WDR91: variants seen among roughly 807,000 people sequenced by gnomAD.
The protein encoded by WDR91 is WD repeat domain 91.
In WDR91, 52 loss-of-function variants were observed where a neutral mutation model predicts 88.4. That is an observed-to-expected ratio of 0.59 (90% CI 0.47 to 0.74). The LOEUF (loss-of-function observed/expected upper bound fraction) is 0.74, where lower values mean the gene tolerates loss of function less well. Among genes scored for constraint, WDR91 ranks in the 30% least tolerant of loss-of-function variants. The pLI is 0.00. For synonymous variants in WDR91, 362 were observed against 389.5 expected, an observed-to-expected ratio of 0.93 and a Z score of 0.83; for missense variants, 824 against 954.5, an observed-to-expected ratio of 0.86 and a Z score of 1.80.
rs751175604 is a variant in WDR91, at chr7:135,187,177, C to T, written c.1882-8G>A. The T allele has an allele frequency of 1.9e-5, 30 of 1,613,896 alleles. No homozygotes were observed. Among genetic ancestry groups the T allele is most frequent in the Non-Finnish European group, 2.0e-5 (24 of 1,180,020 alleles). On this transcript the variant is annotated splice_region_variant and splice_polypyrimidine_tract_variant and intron_variant, in intron 13 of 14. Coordinates refer to ENST00000354475, the MANE Select transcript of WDR91 (RefSeq NM_014149.4). ...GATGTTCCACTGGATGAACTGCAGT[C>T]ACAGGGCACAAGCAGGGTGCTCGCA...
At chr7:135,192,238 C>T (rs1831197362) in intron 11 of WDR91, among the ~76,000 whole-genome samples, 1 of 151,952 alleles carries the variant, frequency 6.6e-6, no homozygotes, top group Non-Finnish European at 1.5e-5. Flanking sequence ...TTGCCTCAGC[C>T]TCCCAAGTAG....
chr7:135,185,943 A>G lies in WDR91; in HGVS notation c.*208T>C. ...GTACTCCTGGCACAGCCACAATACC[A>G]GTCTCTGGGAAGCATATGTCACCTA... On this transcript the variant is annotated 3_prime_UTR_variant, in exon 15 of 15. Coordinates refer to ENST00000354475, the MANE Select transcript of WDR91 (RefSeq NM_014149.4). 1.9e-6 allele frequency: 1 copy of G among 536,776 alleles called. No homozygotes were observed. 33.3% of individuals were successfully genotyped at this position (536,776 alleles called of 1,614,324 possible).
intron 1 of WDR91, 200 bp from the exon 2 acceptor site, chr7:135,209,955 T>C (rs1257144977): frequency 4.6e-6 from 2 of 438,522 alleles, no homozygotes; most frequent in Non-Finnish European, 7.9e-6. Flanking sequence ...TTTGACCCTC[T>C]AGCAAGCACG....
chr7:135,211,355 C>T (rs755263721), intron 1 of WDR91, 25 bp downstream of exon 1: 67 of 1,597,280 alleles, frequency 4.2e-5, no homozygotes, highest in Non-Finnish European at 5.1e-5. Context: ...CGCCTCTGCC[C>T]GCGCCGCTCC....
rs1023503873 is a variant in WDR91, at chr7:135,184,223, G to C, written c.*1928C>G. The C allele has an allele frequency of 5.9e-5, 9 of 152,160 alleles. No homozygotes were observed. Among genetic ancestry groups the C allele is most frequent in the African/African-American group, 1.9e-4 (8 of 41,430 alleles). 9.4% of individuals were successfully genotyped at this position (152,160 alleles called of 1,614,324 possible). ...ATAACTATTTACTACTGTCTCTGGT[G>C]TTTTCTCATAATCAAGCCACTTAAA... On this transcript the variant is annotated 3_prime_UTR_variant, in exon 15 of 15. Transcript: ENST00000354475.
rs1265443417 is a variant in WDR91, at chr7:135,197,980, G to A, written c.1050+13C>T. ...CATGAGTGTCCCCAGGGGTGTTCAG[G>A]ACAACCCCATACCTGGGAAGTGGTT... On this transcript the variant is annotated intron_variant, in intron 7 of 14. Transcript: ENST00000354475. 4.3e-6 allele frequency: 7 copies of A among 1,613,022 alleles called. No individual in the cohort carries two copies. Among genetic ancestry groups the A allele is most frequent in the Non-Finnish European group, 5.9e-6 (7 of 1,179,162 alleles).
At position 135,187,086 on chromosome 7, in the gene WDR91, C is replaced by T. The variant is rs781433283; in HGVS notation, c.1965G>A (p.Leu655=). ...CCTGCTTGTAGCCGCTGTATCCAGA[C>T]AGCACAAAGGGGCCCGTGGCATCTG... ...LPSDATGPFV[L]SGYSGYKQVQ... The change falls in exon 14 of 15, where the codon CTG becomes CTA. Residue 655 remains leucine (L), a synonymous_variant. Coordinates refer to ENST00000354475, the MANE Select transcript of WDR91 (RefSeq NM_014149.4). 5.6e-6 allele frequency: 9 copies of T among 1,614,144 alleles called. No homozygotes were observed. In the Middle Eastern group the frequency reaches 4.9e-4, roughly 88 times the overall value.
intron 6 of WDR91, 157 bp from the exon 7 acceptor site, chr7:135,198,308 G>T: frequency 1.3e-6 from 1 of 797,946 alleles, no homozygotes; most frequent in Non-Finnish European, 1.9e-6. Context: ...GTCATAGTCA[G>T]CCCCTGCTAT....
chr7:135,209,106 A>G, intron 2 of WDR91, 108 bp from the exon 3 acceptor site: 2 of 868,256 alleles, frequency 2.3e-6, no homozygotes, highest in South Asian at 4.1e-5. Context: ...CCTGCCAGGT[A>G]AGTGGCAAAA....
At chr7:135,195,250 T>G (rs1185815950) in intron 8 of WDR91, among the ~76,000 whole-genome samples, 166 bp from the exon 9 acceptor site, 5 of 152,250 alleles carry the variant, frequency 3.3e-5, no homozygotes, top group Non-Finnish European at 7.3e-5. Flanking sequence ...AAATATTCAT[T>G]CATTCGTTTG....
At chr7:135,207,052 GC>G in intron 4 of WDR91, 67 bp downstream of exon 4, 2 of 1,357,772 alleles carry the variant, frequency 1.5e-6, no homozygotes, top group East Asian at 2.7e-5. Flanking sequence ...GTGTTCCACT[GC>G]CACTACCTAA....
In WDR91 at chr7:135,185,096, C is replaced by T. The variant is rs902854934; in HGVS notation, c.*1055G>A. Reference sequence around the variant, plus strand: ...TGTTGGCCAGGCTGGTCTCAAGCTCCTGACCTTAAGTGATCCACCCACCTT... The same window carrying T: ...TGTTGGCCAGGCTGGTCTCAAGCTCTTGACCTTAAGTGATCCACCCACCTT... On this transcript the variant is annotated 3_prime_UTR_variant, in exon 15 of 15. Coordinates refer to ENST00000354475, the MANE Select transcript of WDR91 (RefSeq NM_014149.4). The T allele has an allele frequency of 6.6e-6, 1 of 152,122 alleles. No individual in the cohort carries two copies. Among genetic ancestry groups the T allele is most frequent in the Admixed American group, 6.5e-5 (1 of 15,278 alleles). 9.4% of individuals were successfully genotyped at this position (152,122 alleles called of 1,614,324 possible).
intron 1 of WDR91, chr7:135,210,761 G>C: frequency 1.4e-6 from 1 of 703,530 alleles, no homozygotes. Flanking sequence ...TGCTCTTGCT[G>C]TTAGCTCACT....
intron 1 of WDR91, 108 bp downstream of exon 1, chr7:135,211,272 G>A: frequency 6.9e-7 from 1 of 1,445,774 alleles, no homozygotes; most frequent in Non-Finnish European, 9.1e-7. Context: ...CCGGCGCCCC[G>A]GCGCGAGTGA....
intron 6 of WDR91, chr7:135,201,627 A>T (rs1831573854): frequency 6.6e-6 from 1 of 152,250 alleles, no homozygotes; most frequent in South Asian, 2.1e-4. Context: ...TGCTAATTTA[A>T]CAACAAAATA....
At chr7:135,207,346 G>C (rs1831834385) in intron 3 of WDR91, 144 bp from the exon 4 acceptor site, 1 of 686,644 alleles carries the variant, frequency 1.5e-6, no homozygotes, top group Non-Finnish European at 2.7e-6. Flanking sequence ...CGGGCTTAAT[G>C]AAATAGTCGC....
intron 9 of WDR91, 33 bp from the exon 10 acceptor site, chr7:135,193,705 T>C (rs776679220): frequency 1.9e-5 from 30 of 1,592,216 alleles, no homozygotes; most frequent in East Asian, 2.2e-5. Flanking sequence ...GTGGGAAGGA[T>C]AGCATGGAGT....
Position 135,196,182 on chromosome 7 carries a change from C to A in WDR91, c.1206G>T (p.Glu402Asp). Reference protein sequence around the residue: ...PEQPFIVLGQEEYGEHHSSIM... With the variant: ...PEQPFIVLGQDEYGEHHSSIM... ...TGGATGAGTGGTGTTCCCCGTACTC[C>A]TCCTGTCCCAGCACAATAAAGGGCT... The change falls in exon 8 of 15, where the codon GAG (glutamate) becomes GAT (aspartate). Residue 402 changes from glutamate (E) to aspartate (D), a missense_variant. Coordinates refer to ENST00000354475, the MANE Select transcript of WDR91 (RefSeq NM_014149.4). The surrounding 1 kb of genome is among the most constrained non-coding windows in gnomAD (Gnocchi z 4.2). 1 of 1,596,546 alleles carries A rather than the reference C, an allele frequency of 6.3e-7. No individual in the cohort carries two copies. Among genetic ancestry groups the A allele is most frequent in the South Asian group, 1.1e-5 (1 of 88,996 alleles).
Position 135,186,064 on chromosome 7 carries a change from G to A in WDR91, c.*87C>T. ...GAGTCACTGCACTGGCAGGGAGCTG[G>A]AGTGGAGCACGTGGTTTTCCTGTCC... is the stretch of plus-strand genomic sequence containing the variant. On this transcript the variant is annotated 3_prime_UTR_variant, in exon 15 of 15. Coordinates refer to ENST00000354475, the MANE Select transcript of WDR91 (RefSeq NM_014149.4). 1 of 1,418,106 alleles carries A rather than the reference G, an allele frequency of 7.1e-7. No individual in the cohort carries two copies. The highest frequency in any genetic ancestry group is 9.4e-7 in the Non-Finnish European group (1 of 1,065,858). 87.8% of individuals were successfully genotyped at this position (1,418,106 alleles called of 1,614,324 possible). A position where few individuals can be genotyped will look rare whatever the true frequency, so the allele number is the denominator to read the frequency against.
Sources: gnomAD v4.1 joint callset for allele counts (sites outside exome capture counted in the v4.1 genomes callset) on GRCh38, gnomAD v4.1.1 for gene constraint, Gnocchi (gnomAD v3.1) non-coding constraint, MANE v1.5 for transcripts, NCBI Gene and HGNC (gene_info 2026-07-23, HGNC 2026-07-21) for gene names.